SERAC1: variants seen among roughly 807,000 people sequenced by gnomAD.
SERAC1 encodes serine active site containing 1.
A neutral mutation model predicts 85.7 loss-of-function variants in SERAC1; 36 were observed. The observed-to-expected ratio is 0.42, with a 90% CI of 0.32 to 0.55. SERAC1 has a LOEUF of 0.55. Ranked by LOEUF, SERAC1 falls within the 20% of genes least tolerant of loss-of-function variation. The pLI is 0.11. For synonymous variants in SERAC1, 242 were observed against 265.3 expected (o/e 0.91, Z 0.85); for missense variants, 629 against 796.2 (o/e 0.79, Z 2.53).
chr6:158,162,546 T>C (rs1785511032), intron 1 of SERAC1, among the ~76,000 whole-genome samples: 1 of 152,240 alleles, frequency 6.6e-6, no homozygotes, highest in South Asian at 2.1e-4. Context: ...AATTACCACT[T>C]TGACCCCCAT....
intron 3 of SERAC1, among the ~76,000 whole-genome samples, chr6:158,151,917 G>A (rs111268510): frequency 6.6e-5 from 10 of 151,940 alleles, no homozygotes; most frequent in African/African-American, 2.4e-4. Flanking sequence ...ATTAAAGCCA[G>A]GACTTTATTT....
At chr6:158,121,822 T>C (rs1242775107) in intron 10 of SERAC1, among the ~76,000 whole-genome samples, 1 of 152,206 alleles carries the variant, frequency 6.6e-6, no homozygotes, top group Non-Finnish European at 1.5e-5. Context: ...AGAAAAAGCA[T>C]GGTACAAGCC....
chr6:158,134,080 CATTCTCATACTAGTGATCCCA>C (rs935707847), intron 8 of SERAC1, among the ~76,000 whole-genome samples: 6 of 150,822 alleles, frequency 4.0e-5, no homozygotes, highest in African/African-American at 1.5e-4. Flanking sequence ...TGAAGTTGCA[CATTCTCATACTAGTGATCCCA>C]AATCTACACT....
chr6:158,129,489 A>G lies in SERAC1; in HGVS notation c.852+884T>C, dbSNP rs922168073. 3.3e-5 allele frequency among the ~76,000 whole-genome samples: 5 copies of G among 152,218 alleles called. No individual in the cohort carries two copies. The East Asian group carries it at 7.7e-4, about 23-fold the overall frequency. On this transcript the variant is annotated intron_variant, in intron 9 of 16. Coordinates refer to ENST00000647468, the MANE Select transcript of SERAC1 (RefSeq NM_032861.4). ...AATCTATGATGTTAAACTTGATACA[A>G]GTGAGTGGAAAAATGTGCATTTTAA...
Position 158,117,423 on chromosome 6 carries a change from C to A in SERAC1, c.1403+304G>T. On this transcript the variant is annotated intron_variant, in intron 13 of 16. Transcript: ENST00000647468. This position sits in a 1 kb window ranked among gnomAD's most constrained non-coding sequence, Gnocchi z 4.3. The stretch of plus-strand genomic sequence containing the variant: ...GATTGTGGACACAAGAACAAAAAAA[C>A]ATCACTTTTACTTCTGATAGAAAAG... 1.6e-6 allele frequency: 2 copies of A among 1,248,796 alleles called. No individual in the cohort carries two copies. Among genetic ancestry groups the A allele is most frequent in the Admixed American group, 2.7e-5 (1 of 37,488 alleles). 77.4% of individuals were successfully genotyped at this position (1,248,796 alleles called of 1,614,324 possible).
chr6:158,143,075 T>C lies in SERAC1; in HGVS notation c.719A>G (p.Gln240Arg), dbSNP rs754950871. The C allele has an allele frequency of 3.7e-6, 6 of 1,612,064 alleles. No homozygotes were observed. In the Admixed American group the frequency reaches 5.0e-5, roughly 13 times the overall value. The change falls in exon 8 of 17, where the codon CAG becomes CGG. Residue 240 changes from glutamine to arginine, a missense_variant. Gln to Arg is a conservative substitution (Grantham distance 43). Coordinates refer to ENST00000647468, the MANE Select transcript of SERAC1 (RefSeq NM_032861.4). ...ACTAACCTTCTGAGCAGCTAGACTC[T>C]GACTGCTTTCACTAAGAGCCAAAGA... ...FTSLALSESSQSLAAQKGGLW... is the reference protein window; with the variant it reads ...FTSLALSESSRSLAAQKGGLW...
chr6:158,141,033 G>C (rs1174140130), intron 8 of SERAC1, among the ~76,000 whole-genome samples: 2 of 152,136 alleles, frequency 1.3e-5, no homozygotes, highest in Non-Finnish European at 2.9e-5. Flanking sequence ...CCAAAGAATA[G>C]GAATGACCCA....
chr6:158,152,153 A>AGG (rs1785220438), intron 3 of SERAC1, among the ~76,000 whole-genome samples: 1 of 152,238 alleles, frequency 6.6e-6, no homozygotes, highest in East Asian at 1.9e-4. Context: ...CTGAGGCAGG[A>AGG]GGATCACTTG....
chr6:158,114,996 C>T (rs1399809623), intron 14 of SERAC1, 25 bp from the exon 15 acceptor site: 1 of 1,592,770 alleles, frequency 6.3e-7, no homozygotes, highest in Non-Finnish European at 8.5e-7. Flanking sequence ...GGGAAAAAAA[C>T]AATGCATAAG....
At chr6:158,139,831 G>A (rs529819799) in intron 8 of SERAC1, among the ~76,000 whole-genome samples, 10 of 152,324 alleles carry the variant, frequency 6.6e-5, no homozygotes, top group African/African-American at 1.4e-4. Flanking sequence ...CCAACAGCAC[G>A]TGAAAAGATG....
chr6:158,147,851 C>T lies in SERAC1; in HGVS notation c.356-938G>A, dbSNP rs576747015. ...GATTCAATAACTGTTATTATTTTACCGTATTTTCTTCATCTATATTCACAT... is the reference window on the plus strand; with the variant it reads ...GATTCAATAACTGTTATTATTTTACTGTATTTTCTTCATCTATATTCACAT... On this transcript the variant is annotated intron_variant, in intron 5 of 16. Transcript: ENST00000647468. 4.7e-5 allele frequency among the ~76,000 whole-genome samples: 7 copies of T among 148,468 alleles called. 1 individual carries two copies. Among genetic ancestry groups the T allele is most frequent in the African/African-American group, 1.7e-4 (7 of 40,070 alleles).
At chr6:158,162,099 A>C (rs933280732) in intron 1 of SERAC1, 1 of 152,196 alleles carries the variant, frequency 6.6e-6, no homozygotes, top group Non-Finnish European at 1.5e-5. Context: ...GGAACTGTAC[A>C]TAATAAGCTC....
chr6:158,144,703 T>C (rs1053292202), intron 6 of SERAC1, among the ~76,000 whole-genome samples: 2 of 152,182 alleles, frequency 1.3e-5, no homozygotes, highest in Non-Finnish European at 2.9e-5. Flanking sequence ...TCAGAACCAA[T>C]TTAACTTCTT....
intron 1 of SERAC1, among the ~76,000 whole-genome samples, chr6:158,160,724 C>T (rs929541532): frequency 2.6e-5 from 4 of 152,110 alleles, no homozygotes; most frequent in Non-Finnish European, 5.9e-5. Flanking sequence ...CTTTAGTAAA[C>T]AGCCACATTT....
intron 1 of SERAC1, among the ~76,000 whole-genome samples, chr6:158,160,081 A>G (rs562105751): frequency 4.6e-5 from 7 of 152,254 alleles, no homozygotes; most frequent in Non-Finnish European, 1.0e-4. Context: ...AGTCCTGCTA[A>G]TTTATTTTTC....
At chr6:158,111,541 T>C in intron 16 of SERAC1, 39 bp from the exon 17 acceptor site, 2 of 1,514,336 alleles carry the variant, frequency 1.3e-6, no homozygotes, top group Non-Finnish European at 1.8e-6. Flanking sequence ...TAAGTAAAAA[T>C]ATAAGCTTTC....
At chr6:158,144,756 T>G (rs891952520) in intron 6 of SERAC1, among the ~76,000 whole-genome samples, 2 of 152,204 alleles carry the variant, frequency 1.3e-5, no homozygotes, top group African/African-American at 4.8e-5. Context: ...TGACCACTAC[T>G]CAAAACACAT....
chr6:158,127,377 G>T (rs1449699403), intron 10 of SERAC1, among the ~76,000 whole-genome samples: 5 of 65,616 alleles, frequency 7.6e-5, no homozygotes, highest in South Asian at 6.0e-4. Context: ...GAGGTGGGGG[G>T]GTCAGCCCCC....
In SERAC1 at chr6:158,130,420, C is replaced by T; in HGVS notation, c.805G>A (p.Ala269Thr). 3.1e-6 allele frequency: 5 copies of T among 1,602,980 alleles called. No homozygotes were observed. The highest frequency in any genetic ancestry group is 4.3e-6 in the Non-Finnish European group (5 of 1,176,106). The change falls in exon 9 of 17, where the codon GCA (alanine) becomes ACA (threonine). Residue 269 changes from alanine (A) to threonine (T), a missense_variant. Ala to Thr is a moderately conservative substitution (Grantham distance 58). Transcript: ENST00000647468. Reference sequence around the variant, plus strand: ...TCTAAACAGAACATTTCCACTGTTGCTGAAGGAACTTCTCCAAAACTTTCA... The same window carrying T: ...TCTAAACAGAACATTTCCACTGTTGTTGAAGGAACTTCTCCAAAACTTTCA... ...YAESFGEVPS[A>T]TVEMFCLEAI...
Sources: allele counts gnomAD v4.1 joint callset (sites outside exome capture counted in the v4.1 genomes callset), GRCh38; gene constraint gnomAD v4.1.1; non-coding constraint Gnocchi (gnomAD v3.1); transcripts MANE v1.5; gene names NCBI Gene and HGNC (gene_info 2026-07-23, HGNC 2026-07-21).